THSD7B: variants seen among roughly 807,000 people sequenced by gnomAD.
The protein encoded by THSD7B is thrombospondin type-1 domain-containing protein 7B.
A neutral mutation model predicts 213.6 loss-of-function variants in THSD7B; 138 were observed. The observed-to-expected ratio is 0.65, with a 90% CI of 0.56 to 0.74. The LOEUF is 0.74. Among genes scored for constraint, THSD7B ranks in the 30% least tolerant of loss-of-function variants. The pLI is 0.00. For missense variants in THSD7B, 1,931 were observed against 1,991.5 expected, an observed-to-expected ratio of 0.97 and a Z score of 0.58; for synonymous variants, 742 against 687.0, an observed-to-expected ratio of 1.08 and a Z score of -1.25.
intron 14 of THSD7B, among the ~76,000 whole-genome samples, chr2:137,439,049 T>C (rs1687346925): frequency 6.6e-6 from 1 of 151,920 alleles, no homozygotes; most frequent in African/African-American, 2.4e-5. Flanking sequence ...CACCAGAAAC[T>C]AGGAAAGGCA....
chr2:137,385,652 G>A (rs568459653), intron 12 of THSD7B, among the ~76,000 whole-genome samples: 18 of 152,272 alleles, frequency 1.2e-4, no homozygotes, highest in African/African-American at 4.1e-4. Flanking sequence ...TGTGACTTGA[G>A]CATTGGAGGA....
chr2:137,070,545 T>A (rs2104890776), intron 3 of THSD7B, among the ~76,000 whole-genome samples: 1 of 149,646 alleles, frequency 6.7e-6, no homozygotes, highest in African/African-American at 2.5e-5. Flanking sequence ...TTTTTTAAAA[T>A]TTTTTATTTT....
chr2:137,530,139 G>A (rs1680369113), intron 15 of THSD7B, among the ~76,000 whole-genome samples: 1 of 152,006 alleles, frequency 6.6e-6, no homozygotes, highest in South Asian at 2.1e-4. Context: ...ATTGAGATGT[G>A]CGTGCCTCAT....
chr2:137,605,864 T>C (rs1682166383), intron 17 of THSD7B, among the ~76,000 whole-genome samples: 3 of 151,806 alleles, frequency 2.0e-5, no homozygotes, highest in Admixed American at 1.3e-4. Context: ...AGAGACGGGG[T>C]TTCACCGTGT....
At chr2:137,551,516 C>A (rs142218302) in intron 15 of THSD7B, among the ~76,000 whole-genome samples, 115 of 152,160 alleles carry the variant, frequency 7.6e-4, no homozygotes, top group Admixed American at 1.2e-3. Flanking sequence ...ATATTGCTGT[C>A]CTTAAGAGCC....
At chr2:136,864,641 C>T (rs1683304951) in intron 1 of THSD7B, among the ~76,000 whole-genome samples, 1 of 152,120 alleles carries the variant, frequency 6.6e-6, no homozygotes, top group Non-Finnish European at 1.5e-5. Context: ...CAAGCTCCAC[C>T]TCCCAGGTTC....
chr2:137,218,282 A>G (rs1304231498), intron 7 of THSD7B, among the ~76,000 whole-genome samples: 3 of 152,130 alleles, frequency 2.0e-5, no homozygotes, highest in Non-Finnish European at 4.4e-5. Context: ...CTTAAATGTC[A>G]CTATTATTGT....
chr2:137,036,017 G>A (rs1043816144), intron 2 of THSD7B, among the ~76,000 whole-genome samples: 6 of 152,110 alleles, frequency 3.9e-5, no homozygotes, highest in African/African-American at 1.2e-4. Context: ...TACATAAAAT[G>A]TGCTTTCATA....
chr2:136,780,564 A>G (rs998385974), intron 1 of THSD7B, among the ~76,000 whole-genome samples: 2 of 152,222 alleles, frequency 1.3e-5, no homozygotes, highest in African/African-American at 4.8e-5. Flanking sequence ...AGTTTTCCCT[A>G]ATGATCACCT....
chr2:137,534,397 T>C (rs1680462642), intron 15 of THSD7B, among the ~76,000 whole-genome samples: 1 of 151,734 alleles, frequency 6.6e-6, no homozygotes, highest in Non-Finnish European at 1.5e-5. Context: ...AAAAGTATCA[T>C]TCATAAAGTT....
intron 12 of THSD7B, among the ~76,000 whole-genome samples, chr2:137,283,245 C>A (rs145001253): frequency 6.6e-6 from 1 of 152,074 alleles, no homozygotes; most frequent in African/African-American, 2.4e-5. Context: ...GTGATTTTTG[C>A]ACATTGATTT....
chr2:137,062,819 C>T (rs1687302127), intron 3 of THSD7B, among the ~76,000 whole-genome samples: 1 of 151,706 alleles, frequency 6.6e-6, no homozygotes, highest in South Asian at 2.1e-4. Flanking sequence ...TCAATTATAT[C>T]CAGTTGATTG....
At chr2:137,440,633 C>T (rs1194424109) in intron 14 of THSD7B, among the ~76,000 whole-genome samples, 1 of 152,008 alleles carries the variant, frequency 6.6e-6, no homozygotes, top group Non-Finnish European at 1.5e-5. Flanking sequence ...CCAGGTGTTA[C>T]CAGATCATCT....
chr2:136,963,697 AACAGTTTTGATTGGG>A (rs1450205099), intron 2 of THSD7B, among the ~76,000 whole-genome samples: 1 of 152,134 alleles, frequency 6.6e-6, no homozygotes, highest in Non-Finnish European at 1.5e-5. Context: ...TGTGTCACAA[AACAGTTTTGATTGGG>A]AGAGTTTTGA....
intron 5 of THSD7B, among the ~76,000 whole-genome samples, chr2:137,138,991 A>T (rs1220765093): frequency 6.6e-6 from 1 of 152,110 alleles, no homozygotes; most frequent in Non-Finnish European, 1.5e-5. Context: ...GTCCCTAAGT[A>T]TTTAGTCCTG....
chr2:137,344,819 G>T (rs953476671), intron 12 of THSD7B, among the ~76,000 whole-genome samples: 10 of 151,618 alleles, frequency 6.6e-5, no homozygotes, highest in African/African-American at 2.4e-4. Context: ...GAAACAAATA[G>T]GCTGGCCCTT....
chr2:137,387,426 T>C (rs1307541529), intron 12 of THSD7B, among the ~76,000 whole-genome samples: 3 of 152,234 alleles, frequency 2.0e-5, no homozygotes, highest in African/African-American at 7.2e-5. Flanking sequence ...ATAGAGCTAT[T>C]TGGAATAATT....
chr2:136,797,303 C>T (rs149127714), intron 1 of THSD7B, among the ~76,000 whole-genome samples: 337 of 152,048 alleles, frequency 2.2e-3, no homozygotes, highest in Non-Finnish European at 3.5e-3. Flanking sequence ...AACACTTTCT[C>T]TCACTCTCTG....
chr2:137,279,901 A>T (rs1246624709), intron 12 of THSD7B, among the ~76,000 whole-genome samples: 2 of 152,198 alleles, frequency 1.3e-5, no homozygotes, highest in Non-Finnish European at 2.9e-5. Flanking sequence ...AATTTGGAAA[A>T]GTTTATTTTG....
Sources: gnomAD v4.1 joint callset for allele counts (sites outside exome capture counted in the v4.1 genomes callset) on GRCh38, gnomAD v4.1.1 for gene constraint, MANE v1.5 for transcripts, NCBI Gene and HGNC (gene_info 2026-07-23, HGNC 2026-07-21) for gene names.